Variants in ABHD18 observed in about 807,000 individuals in gnomAD.
ABHD18 encodes cardiolipin-specific deacylase, mitochondrial.
In ABHD18, 55 loss-of-function variants were observed where a neutral mutation model predicts 65.9. That is an observed-to-expected ratio of 0.84 (90% CI 0.67 to 1.05). ABHD18 has a LOEUF of 1.05. ABHD18 is among the 50% of genes least tolerant of loss of function. The probability of loss-of-function intolerance (pLI) is 0.00; values close to 1 mark genes in which losing one functional copy is unlikely to be tolerated. For synonymous variants in ABHD18, 181 were observed against 180.2 expected (o/e 1.00, Z -0.04); for missense variants, 533 against 558.5 (o/e 0.95, Z 0.46).
intron 9 of ABHD18, 79 bp from the exon 10 acceptor site, chr4:128,021,058 T>G: frequency 1.4e-6 from 1 of 731,666 alleles, no homozygotes; most frequent in Non-Finnish European, 2.2e-6. Context: ...AAAGGTAGTC[T>G]CACACAGTAA....
intron 4 of ABHD18, among the ~76,000 whole-genome samples, chr4:128,008,236 TG>T (rs1209458898): frequency 7.1e-6 from 1 of 141,362 alleles, no homozygotes; most frequent in Non-Finnish European, 1.5e-5. Flanking sequence ...CCCTCTAGCC[TG>T]GGCAACAGAG....
chr4:128,004,187 C>T (rs1753194017), intron 4 of ABHD18, among the ~76,000 whole-genome samples: 1 of 152,110 alleles, frequency 6.6e-6, no homozygotes. Flanking sequence ...CACAGTGGCT[C>T]ATGCCTGTAA....
At chr4:128,016,620 C>T (rs1160060552) in intron 7 of ABHD18, among the ~76,000 whole-genome samples, 3 of 151,254 alleles carry the variant, frequency 2.0e-5, no homozygotes, top group Admixed American at 6.6e-5. Context: ...GCTAAAAATA[C>T]AAAAATTAGC....
chr4:128,031,169 T>C, intron 12 of ABHD18: 1 of 985,114 alleles, frequency 1.0e-6, no homozygotes. Context: ...AAAACTTTTA[T>C]GCTGGCTGGG....
chr4:127,997,616 T>C (rs1751951000), intron 4 of ABHD18, among the ~76,000 whole-genome samples: 1 of 152,184 alleles, frequency 6.6e-6, no homozygotes. Flanking sequence ...TTGAAACTTG[T>C]AGAGTACTGC....
intron 1 of ABHD18, among the ~76,000 whole-genome samples, chr4:127,975,499 C>T (rs905065165): frequency 2.6e-5 from 4 of 152,166 alleles, no homozygotes; most frequent in Admixed American, 6.6e-5. Flanking sequence ...CTTTGTATGA[C>T]TGAATATATT....
Position 128,039,721 on chromosome 4 carries a change from C to CT in ABHD18, c.*3915dup, listed in dbSNP as rs1759190652. ...CTATTTAAAAAGCTAATCATTTGTGCTTTTTTTCAAGAGGTATTATTGTAA... is the reference window on the plus strand; with the variant it reads ...CTATTTAAAAAGCTAATCATTTGTGCTTTTTTTTCAAGAGGTATTATTGTAA... On this transcript the variant is annotated 3_prime_UTR_variant, in exon 13 of 13. Transcript: ENST00000645843. The CT allele has an allele frequency of 1.3e-5, 2 of 151,584 alleles. No individual in the cohort carries two copies. The highest frequency in any genetic ancestry group is 2.9e-5 in the Non-Finnish European group (2 of 67,926). The allele number at this position is 151,584 out of a possible 1,614,324, so 9.4% of individuals were successfully genotyped here.
chr4:127,980,284 T>C (rs1748785217), intron 1 of ABHD18, among the ~76,000 whole-genome samples: 1 of 152,222 alleles, frequency 6.6e-6, no homozygotes, highest in African/African-American at 2.4e-5. Context: ...CCTTCCACCA[T>C]GTTATGCAGC....
chr4:128,012,697 C>T (rs1017629878), intron 7 of ABHD18, among the ~76,000 whole-genome samples: 3 of 151,798 alleles, frequency 2.0e-5, no homozygotes, highest in Non-Finnish European at 4.4e-5. Context: ...ATAAGATCAG[C>T]CACAGAGAAG....
intron 1 of ABHD18, among the ~76,000 whole-genome samples, chr4:127,981,910 C>T (rs557220721): frequency 2.1e-4 from 32 of 152,126 alleles, no homozygotes; most frequent in African/African-American, 7.0e-4. Context: ...CTTCTTGGTA[C>T]TGAGAATTAT....
At chr4:127,990,453 AC>A (rs1251513820) in intron 4 of ABHD18, among the ~76,000 whole-genome samples, 1 of 152,090 alleles carries the variant, frequency 6.6e-6, no homozygotes, top group African/African-American at 2.4e-5. Flanking sequence ...AATCCCAGCT[AC>A]CTGGGAGGCT....
rs1326650304 is a variant in ABHD18 at position 128,008,939 on chromosome 4, A to G, written c.298A>G (p.Lys100Glu). Residue 100 changes from lysine to glutamate, a missense_variant, in exon 5 of 13, where the codon AAA becomes GAA. This residue lies in a region of ABHD18 where 309 missense variants were observed against 313.5 expected (regional missense o/e 0.99). Transcript: ENST00000645843. ...AAATAGGTTCCAATTTATTGTGCCTAAAGAATGGAACAGCAAATATAGACC... is the reference window on the plus strand; with the variant it reads ...AAATAGGTTCCAATTTATTGTGCCTGAAGAATGGAACAGCAAATATAGACC... ...VIARFQFIVP[K>E]EWNSKYRPVC... 1.2e-6 allele frequency: 2 copies of G among 1,608,100 alleles called. No homozygotes were observed. The highest frequency in any genetic ancestry group is 1.7e-6 in the Non-Finnish European group (2 of 1,178,006).
chr4:127,969,571 T>C (rs1039519986), intron 1 of ABHD18, among the ~76,000 whole-genome samples: 1 of 152,184 alleles, frequency 6.6e-6, no homozygotes, highest in African/African-American at 2.4e-5. Flanking sequence ...TTACAAAATA[T>C]TTGAAAAGTT....
chr4:127,971,482 CTTTTTTTTTT>C (rs1156788634), intron 1 of ABHD18, among the ~76,000 whole-genome samples: 7 of 51,928 alleles, frequency 1.3e-4, no homozygotes, highest in East Asian at 6.7e-4. Context: ...CCAGAGTTGG[CTTTTTTTTTT>C]TTTTTTTTTT....
intron 3 of ABHD18, among the ~76,000 whole-genome samples, chr4:127,989,182 A>G (rs1750500379): frequency 6.6e-6 from 1 of 152,212 alleles, no homozygotes; most frequent in Non-Finnish European, 1.5e-5. Flanking sequence ...CAGAAGGACA[A>G]ATTTCATGTG....
chr4:127,982,792 CCCCCAA>C (rs1560834709), intron 1 of ABHD18, 141 bp from the exon 2 acceptor site: 6 of 520,544 alleles, frequency 1.2e-5, no homozygotes, highest in Non-Finnish European at 1.3e-5. Context: ...TCTTTTTTTT[CCCCCAA>C]ATCTTGTATT....
intron 12 of ABHD18, among the ~76,000 whole-genome samples, chr4:128,031,582 G>C (rs934231146): frequency 6.6e-6 from 1 of 152,106 alleles, no homozygotes; most frequent in African/African-American, 2.4e-5. Context: ...TAAATGGTTA[G>C]ATCAGTGCCC....
At position 128,035,971 on chromosome 4, in the gene ABHD18, C is replaced by A. The variant is rs1217417429; in HGVS notation, c.*158C>A. ...TTACACATCAGTTAACTATAAACTT[C>A]GAATACATTTGAATAATTTCAAGAT... On this transcript the variant is annotated 3_prime_UTR_variant, in exon 13 of 13. Transcript: ENST00000645843. The A allele has an allele frequency of 1.2e-5, 5 of 425,460 alleles. No homozygotes were observed. The highest frequency in any genetic ancestry group is 1.7e-5 in the Non-Finnish European group (4 of 239,698). The allele number at this position is 425,460 out of a possible 1,614,324, so 26.4% of individuals were successfully genotyped here. A position where few individuals can be genotyped will look rare whatever the true frequency, so the allele number is the denominator to read the frequency against.
At chr4:127,999,742 C>T (rs1579281331) in intron 4 of ABHD18, among the ~76,000 whole-genome samples, 2 of 152,280 alleles carry the variant, frequency 1.3e-5, no homozygotes, top group African/African-American at 4.8e-5. Flanking sequence ...TAGGTTGTCT[C>T]AACCTGTTGA....
Sources: gnomAD v4.1 joint callset for allele counts (sites outside exome capture counted in the v4.1 genomes callset) on GRCh38, gnomAD v4.1.1 for gene constraint, gnomAD v4.1.1 regional missense constraint, MANE v1.5 for transcripts, NCBI Gene and HGNC (gene_info 2026-07-23, HGNC 2026-07-21) for gene names.